The following IGFBP3 variants were observed in gnomAD, a reference collection of about 807,000 sequenced individuals.
IGFBP3 encodes insulin like growth factor binding protein 3, also known as insulin-like growth factor-binding protein 3.
In IGFBP3, 9 loss-of-function variants were observed where a neutral mutation model predicts 28.6. That is an observed-to-expected ratio of 0.31 (90% CI 0.19 to 0.55). IGFBP3 has a LOEUF of 0.55. Among genes scored for constraint, IGFBP3 ranks in the 20% least tolerant of loss-of-function variants. IGFBP3 has a pLI of 0.93. For synonymous variants in IGFBP3, 185 were observed against 188.2 expected, an observed-to-expected ratio of 0.98 and a Z score of 0.14; for missense variants, 382 against 428.9, an observed-to-expected ratio of 0.89 and a Z score of 0.97.
chr7:45,920,588 A>C (rs894450343), intron 1 of IGFBP3, 150 bp downstream of exon 1: 6 of 758,728 alleles, frequency 7.9e-6, no homozygotes, highest in Non-Finnish European at 1.1e-5. Flanking sequence ...GACCGCCTTC[A>C]CCTTTCCCGG....
chr7:45,918,086 A>G (rs758333993), intron 1 of IGFBP3, among the ~76,000 whole-genome samples: 1 of 152,206 alleles, frequency 6.6e-6, no homozygotes, highest in Non-Finnish European at 1.5e-5. Context: ...TCATGCAAGC[A>G]TGTTGGTGGC....
At chr7:45,917,056 A>AAGGAG (rs1243869885) in intron 2 of IGFBP3, 157 bp downstream of exon 2, 2 of 638,660 alleles carry the variant, frequency 3.1e-6, no homozygotes, top group Non-Finnish European at 5.6e-6. Flanking sequence ...TTCTTTATGT[A>AAGGAG]AGGAGAGGAG....
chr7:45,914,163 C>T (rs1352893748), intron 4 of IGFBP3: 1 of 152,038 alleles, frequency 6.6e-6, no homozygotes, highest in African/African-American at 2.4e-5. Flanking sequence ...ATTCCTTTCC[C>T]CCAATAGTTC....
intron 1 of IGFBP3, 68 bp downstream of exon 1, chr7:45,920,670 A>C: frequency 7.8e-7 from 1 of 1,275,854 alleles, no homozygotes; most frequent in Non-Finnish European, 1.0e-6. Context: ...GGCACCCAGC[A>C]ACCCCCAGGC....
chr7:45,914,852 C>T lies in IGFBP3; in HGVS notation c.844G>A (p.Asp282Asn). 1.2e-6 allele frequency: 2 copies of T among 1,614,194 alleles called. No homozygotes were observed. Among genetic ancestry groups the T allele is most frequent in the Non-Finnish European group, 1.7e-6 (2 of 1,180,018 alleles). ...CTCTGCATGCTGTAGCAGTGCACGT[C>T]CTCCTTCCCCTTGGTGGTGTAGCCT... ...LPGYTTKGKE[D>N]VHCYSMQSK is the part of the protein sequence containing the mutation. The change falls in exon 4 of 5, where the codon GAC becomes AAC. Residue 282 changes from aspartate (D) to asparagine (N), a missense_variant. Asp to Asn is a conservative substitution (Grantham distance 23). Coordinates refer to ENST00000613132, the MANE Select transcript of IGFBP3 (RefSeq NM_000598.5).
rs777660030 is a variant in IGFBP3 at position 45,921,170 on chromosome 7, C to T, written c.-30G>A. 1.0e-5 allele frequency: 15 copies of T among 1,503,190 alleles called. No individual in the cohort carries two copies. In the South Asian group the frequency reaches 1.7e-4, roughly 17 times the overall value. The allele number at this position is 1,503,190 out of a possible 1,614,324, so 93.1% of individuals were successfully genotyped here. ...CCTGCAACCGGGGCACGCTGCTTGG[C>T]AGGCTGGGCGCGCAGGGATGGGGCG... On this transcript the variant is annotated 5_prime_UTR_variant, in exon 1 of 5. Coordinates refer to ENST00000613132, the MANE Select transcript of IGFBP3 (RefSeq NM_000598.5).
intron 4 of IGFBP3, chr7:45,914,174 C>T (rs1280001631): frequency 6.6e-6 from 1 of 152,058 alleles, no homozygotes; most frequent in Non-Finnish European, 1.5e-5. Context: ...CCAATAGTTC[C>T]CTCATTTATT....
At chr7:45,915,228 A>C in intron 3 of IGFBP3, 1 of 355,232 alleles carries the variant, frequency 2.8e-6, no homozygotes, top group Non-Finnish European at 5.2e-6. Flanking sequence ...GAACCTCTTG[A>C]CTGACTTCTC....
At chr7:45,919,690 G>A (rs917420626) in intron 1 of IGFBP3, among the ~76,000 whole-genome samples, 5 of 152,198 alleles carry the variant, frequency 3.3e-5, no homozygotes, top group African/African-American at 4.8e-5. Flanking sequence ...AGCTGTGCAA[G>A]GCAGGAACTT....
intron 1 of IGFBP3, among the ~76,000 whole-genome samples, chr7:45,918,583 C>T (rs1437638013): frequency 2.6e-5 from 4 of 152,194 alleles, no homozygotes; most frequent in Admixed American, 2.6e-4. Context: ...CTTAAGTCCA[C>T]AATTGAGAGT....
At chr7:45,919,140 A>G (rs1784651873) in intron 1 of IGFBP3, among the ~76,000 whole-genome samples, 1 of 152,238 alleles carries the variant, frequency 6.6e-6, no homozygotes. Context: ...AAACAGTTCT[A>G]TTTAAGCAAC....
intron 3 of IGFBP3, chr7:45,915,324 C>G (rs781061798): frequency 2.9e-5 from 6 of 208,454 alleles, no homozygotes; most frequent in Non-Finnish European, 5.8e-5. Flanking sequence ...TCACATGACA[C>G]CTTCTCAGTA....
Position 45,917,865 on chromosome 7 carries a change from G to A in IGFBP3, c.404-426C>T, listed in dbSNP as rs184121819. ...CCACCCGCGGGAGCAGCGGCAGCCC[G>A]GGGACTTGGAAGAAATGCACATTCT... On this transcript the variant is annotated intron_variant, in intron 1 of 4. Coordinates refer to ENST00000613132, the MANE Select transcript of IGFBP3 (RefSeq NM_000598.5). Among the ~76,000 whole-genome samples the A allele has an allele frequency of 1.9e-3, 290 of 152,266 alleles. 1 individual carries two copies. Among genetic ancestry groups the A allele is most frequent in the Admixed American group, 3.4e-3 (52 of 15,296 alleles).
In IGFBP3 at chr7:45,912,882, T is replaced by A. The variant is rs1395683147; in HGVS notation, c.*968A>T. On this transcript the variant is annotated 3_prime_UTR_variant, in exon 5 of 5. Transcript: ENST00000613132. Reference sequence around the variant, plus strand: ...AAGCCATTCCTCCTTCCTGTTCTGATATTACTATTCTTTTTTACATTGTGC... The same window carrying A: ...AAGCCATTCCTCCTTCCTGTTCTGAAATTACTATTCTTTTTTACATTGTGC... 2 of 152,502 alleles carry A rather than the reference T, an allele frequency of 1.3e-5. No homozygotes were observed. Among genetic ancestry groups the A allele is most frequent in the East Asian group, 3.8e-4 (2 of 5,200 alleles). The allele number at this position is 152,502 out of a possible 1,614,324, so 9.4% of individuals were successfully genotyped here.
In IGFBP3 at chr7:45,917,400, C is replaced by G. The variant is rs907036999; in HGVS notation, c.443G>C (p.Ser148Thr). ...SESEEDRSAG[S>T]VESPSVSSTH... is the part of the protein sequence containing the mutation. ...GCTGGAGACGGACGGGCTCTCCACA[C>G]TGCCGGCGCTGCGGTCTTCCTCCGA... The change falls in exon 2 of 5, where the codon AGT (serine) becomes ACT (threonine). Residue 148 changes from serine (S) to threonine (T), a missense_variant. Ser to Thr is a moderately conservative substitution (Grantham distance 58). Transcript: ENST00000613132. 1.9e-6 allele frequency: 3 copies of G among 1,613,804 alleles called. No individual in the cohort carries two copies. The highest frequency in any genetic ancestry group is 2.5e-6 in the Non-Finnish European group (3 of 1,179,910).
chr7:45,912,425 C>A lies in IGFBP3; in HGVS notation c.*1425G>T, dbSNP rs1784556620. ...GACAAACTTCTCAAAAATACTTTTC[C>A]CCCCAAAAAGTTAAAAAAATAAAGA... is the stretch of plus-strand genomic sequence containing the variant. On this transcript the variant is annotated 3_prime_UTR_variant, in exon 5 of 5. Coordinates refer to ENST00000613132, the MANE Select transcript of IGFBP3 (RefSeq NM_000598.5). 1 of 151,774 alleles carries A rather than the reference C, an allele frequency of 6.6e-6. No homozygotes were observed. The highest frequency in any genetic ancestry group is 2.4e-5 in the African/African-American group (1 of 41,316). The allele number at this position is 151,774 out of a possible 1,614,324, so 9.4% of individuals were successfully genotyped here.
Position 45,917,454 on chromosome 7 carries a change from G to A in IGFBP3, c.404-15C>T, listed in dbSNP as rs376124921. 1 of 1,591,908 alleles carries A rather than the reference G, an allele frequency of 6.3e-7. No homozygotes were observed. Among genetic ancestry groups the A allele is most frequent in the African/African-American group, 1.3e-5 (1 of 74,306 alleles). ...ACTAGCATTTCCTTAAAACGCCCAA[G>A]AGAGACAAACACATGAGAGTCATCA... On this transcript the variant is annotated splice_polypyrimidine_tract_variant and intron_variant, in intron 1 of 4. Coordinates refer to ENST00000613132, the MANE Select transcript of IGFBP3 (RefSeq NM_000598.5).
At chr7:45,918,589 A>C (rs1784644297) in intron 1 of IGFBP3, among the ~76,000 whole-genome samples, 1 of 152,172 alleles carries the variant, frequency 6.6e-6, no homozygotes, top group Non-Finnish European at 1.5e-5. Context: ...TCCACAATTG[A>C]GAGTCATGAA....
intron 4 of IGFBP3, chr7:45,914,590 TC>T (rs1176554242): frequency 2.1e-6 from 1 of 465,856 alleles, no homozygotes; most frequent in East Asian, 3.9e-5. Context: ...CTGGCCGGCC[TC>T]CTTCCCCACA....
Sources: gnomAD v4.1 joint callset for allele counts (sites outside exome capture counted in the v4.1 genomes callset) on GRCh38, gnomAD v4.1.1 for gene constraint, MANE v1.5 for transcripts, NCBI Gene and HGNC (gene_info 2026-07-23, HGNC 2026-07-21) for gene names.